Variants in SH3TC1 observed in about 807,000 individuals in gnomAD.
SH3TC1 encodes the protein SH3 domain and tetratricopeptide repeats 1, also known as SH3 domain and tetratricopeptide repeat-containing protein 1.
SH3TC1 carries 135 observed loss-of-function variants against 117.3 expected under a neutral mutation model. The observed-to-expected ratio is 1.15, with a 90% CI of 1.00 to 1.33. The LOEUF (loss-of-function observed/expected upper bound fraction) is 1.33. Ranked by LOEUF, SH3TC1 falls within the 40% of genes most tolerant of loss-of-function variation. The probability of loss-of-function intolerance (pLI) is 0.00; values close to 1 mark genes in which losing one functional copy is unlikely to be tolerated. For synonymous variants in SH3TC1, 898 were observed against 816.9 expected (o/e 1.10, Z -1.69); for missense variants, 2,092 against 1,794.3 (o/e 1.17, Z -3.00).
rs562745594 is a variant in SH3TC1 at position 8,225,397 on chromosome 4, C to T, written c.1285+181C>T. On this transcript the variant is annotated intron_variant, in intron 11 of 17. Coordinates refer to ENST00000245105, the MANE Select transcript of SH3TC1 (RefSeq NM_018986.5). This position sits in a 1 kb window ranked among gnomAD's most constrained non-coding sequence, Gnocchi z 5.5. Reference sequence around the variant, plus strand: ...GGCCTGAACCTCCCGTCCACTGTGGCACTGGAGGCCGTGGGGTCCCGCACT... The same window carrying T: ...GGCCTGAACCTCCCGTCCACTGTGGTACTGGAGGCCGTGGGGTCCCGCACT... Among the ~76,000 whole-genome samples, 2 of 152,262 alleles carry T rather than the reference C, an allele frequency of 1.3e-5. No homozygotes were observed. Among genetic ancestry groups the T allele is most frequent in the South Asian group, 4.1e-4 (2 of 4,826 alleles).
Position 8,205,944 on chromosome 4 carries a change from C to A in SH3TC1, c.172+578C>A. On this transcript the variant is annotated intron_variant, in intron 2 of 17. Transcript: ENST00000245105. This position sits in a 1 kb window ranked among gnomAD's most constrained non-coding sequence, Gnocchi z 5.4. ...GGGGAGACCAAGGCCTGCACGGCCC[C>A]TCCCGGCAGGAGACAGCTGCGGTTG... 1 of 466,074 alleles carries A rather than the reference C, an allele frequency of 2.1e-6. No homozygotes were observed. Among genetic ancestry groups the A allele is most frequent in the Admixed American group, 3.6e-5 (1 of 27,724 alleles). The allele number at this position is 466,074 out of a possible 1,614,324, so 28.9% of individuals were successfully genotyped here.
At position 8,183,509 on chromosome 4, in the gene SH3TC1, C is replaced by T. The variant is rs1253895208; in HGVS notation, c.-57+1299C>T. Among the ~76,000 whole-genome samples the T allele has an allele frequency of 6.6e-6, 1 of 152,224 alleles. No homozygotes were observed. The highest frequency in any genetic ancestry group is 1.5e-5 in the Non-Finnish European group (1 of 68,034). ...CCCCACCCAAGCAGGCGGCTCCAGG[C>T]TTGGCTGGGATCCCGCAGTGACGCT... On this transcript the variant is annotated intron_variant, in intron 1 of 16. Coordinates refer to the SH3TC1 transcript ENST00000508641. The surrounding 1 kb of genome is among the most constrained non-coding windows in gnomAD (Gnocchi z 5.4).
chr4:8,207,033 C>T (rs977511361), intron 2 of SH3TC1, among the ~76,000 whole-genome samples: 2 of 150,806 alleles, frequency 1.3e-5, no homozygotes, highest in Non-Finnish European at 2.9e-5. Context: ...CATCTACAGG[C>T]CTCATTCAGA....
chr4:8,219,405 C>A lies in SH3TC1; in HGVS notation c.987C>A (p.Gly329=). 1.2e-6 allele frequency: 2 copies of A among 1,610,826 alleles called. No homozygotes were observed. Among genetic ancestry groups the A allele is most frequent in the African/African-American group, 1.3e-5 (1 of 74,958 alleles). The change falls in exon 9 of 18, where the codon GGC becomes GGA. Residue 329 remains glycine, a synonymous_variant. Transcript: ENST00000245105. ...SGPEEMTFRG[G]DLIEILGAQV... ...CCGAAGAGATGACCTTCCGAGGTGG[C>A]GACCTCATCGAGATCCTTGGGGCGC...
At chr4:8,194,187 G>T (rs1376666794) in intron 1 of SH3TC1, among the ~76,000 whole-genome samples, 1 of 152,196 alleles carries the variant, frequency 6.6e-6, no homozygotes, top group Non-Finnish European at 1.5e-5. Context: ...GCGGCGGGGG[G>T]TGTTGGTGGT....
chr4:8,198,045 T>G (rs1717619414), upstream of SH3TC1, among the ~76,000 whole-genome samples: 1 of 152,104 alleles, frequency 6.6e-6, no homozygotes, highest in Admixed American at 6.5e-5. Flanking sequence ...AGGGGGCTAC[T>G]GGCATCCAGT....
rs1332888240 is a variant in SH3TC1, at chr4:8,214,581, G to A, written c.481+1G>A. The A allele has an allele frequency of 1.2e-6, 2 of 1,613,262 alleles. No homozygotes were observed. Among genetic ancestry groups the A allele is most frequent in the Admixed American group, 3.3e-5 (2 of 60,022 alleles). The stretch of plus-strand genomic sequence containing the variant: ...AAGTTTTCCACCTACCATGCTCTCG[G>A]TAAAGAGGTGACCCTCCCAGAATTG... On this transcript the variant is annotated splice_donor_variant, in intron 5 of 17. Coordinates refer to ENST00000245105, the MANE Select transcript of SH3TC1 (RefSeq NM_018986.5). LOFTEE classifies it high-confidence loss of function.
At position 8,183,220 on chromosome 4, in the gene SH3TC1, G is replaced by C. The variant is rs1717125698; in HGVS notation, c.-57+1010G>C. ...GCCCCAGGCGAGTTCTGTTCACTAC[G>C]AAGGAGCCCGTCCTCATCCTCCCCC... On this transcript the variant is annotated intron_variant, in intron 1 of 16. Transcript: ENST00000508641. This position sits in a 1 kb window ranked among gnomAD's most constrained non-coding sequence, Gnocchi z 5.4. Among the ~76,000 whole-genome samples the C allele has an allele frequency of 6.6e-6, 1 of 152,194 alleles. No homozygotes were observed. Among genetic ancestry groups the C allele is most frequent in the Non-Finnish European group, 1.5e-5 (1 of 68,022 alleles).
chr4:8,196,287 T>C (rs1323065150), upstream of SH3TC1, among the ~76,000 whole-genome samples: 5 of 152,050 alleles, frequency 3.3e-5, no homozygotes, highest in Non-Finnish European at 7.4e-5. This position sits in a 1 kb window ranked among gnomAD's most constrained non-coding sequence, Gnocchi z 4.6. Context: ...TTGATGGATG[T>C]GTTGGACCCG....
At chr4:8,240,316 G>A (rs1330475841) in intron 17 of SH3TC1, among the ~76,000 whole-genome samples, 2 of 152,238 alleles carry the variant, frequency 1.3e-5, no homozygotes, top group Admixed American at 6.5e-5. Flanking sequence ...AGCATGGACA[G>A]GGGCCAGAGG....
intron 1 of SH3TC1, among the ~76,000 whole-genome samples, chr4:8,191,998 T>TATTA (rs1554130808): frequency 9.0e-6 from 1 of 110,736 alleles, no homozygotes; most frequent in African/African-American, 3.2e-5. Context: ...TTTATTTATT[T>TATTA]ATTATTTTTG....
At position 8,236,575 on chromosome 4, in the gene SH3TC1, C is replaced by T. The variant is rs558388878; in HGVS notation, c.3556+147C>T. The T allele has an allele frequency of 5.4e-5, 61 of 1,136,922 alleles. No homozygotes were observed. The Middle Eastern group carries it at 1.2e-3, about 23-fold the overall frequency. The allele number at this position is 1,136,922 out of a possible 1,614,324, so 70.4% of individuals were successfully genotyped here. A position where few individuals can be genotyped will look rare whatever the true frequency, so the allele number is the denominator to read the frequency against. ...CATCTGCCCAGCTGGCTCCCCCGTC[C>T]GGCCGTGGGGCACAGCCCGAGGTCC... is the stretch of plus-strand genomic sequence containing the variant. On this transcript the variant is annotated intron_variant, in intron 16 of 17. Coordinates refer to ENST00000245105, the MANE Select transcript of SH3TC1 (RefSeq NM_018986.5).
chr4:8,214,686 A>G (rs1719072477), intron 5 of SH3TC1, 106 bp downstream of exon 5: 2 of 879,516 alleles, frequency 2.3e-6, no homozygotes, highest in Non-Finnish European at 3.6e-6. Flanking sequence ...TTATTTATTT[A>G]TTGATGTATT....
rs190046705 is a variant in SH3TC1 at position 8,184,923 on chromosome 4, A to G, written c.-57+2713A>G. Among the ~76,000 whole-genome samples the G allele has an allele frequency of 3.1e-3, 109 of 35,558 alleles. 1 individual carries two copies. Among genetic ancestry groups the G allele is most frequent in the African/African-American group, 6.4e-3 (106 of 16,634 alleles). The allele number at this position is 35,558 out of a possible 152,430, so 23.3% of individuals were successfully genotyped here. ...TGTGATACAGTTAATTGTTTTGTCAATCTCATGAGATTGTCGTATACATTT... is the reference window on the plus strand; with the variant it reads ...TGTGATACAGTTAATTGTTTTGTCAGTCTCATGAGATTGTCGTATACATTT... On this transcript the variant is annotated intron_variant, in intron 1 of 16. Coordinates refer to the SH3TC1 transcript ENST00000508641.
rs528362591 is a variant in SH3TC1, at chr4:8,237,488, G to A, written c.3571G>A (p.Glu1191Lys). ...LSITLGDRLN[E>K]RVAYHRLAAL... ...CTGCACCCCAGGGGACCGGCTGAAC[G>A]AGCGCGTGGCCTACCACCGGCTGGC... Residue 1191 changes from glutamate to lysine, a missense_variant, in exon 17 of 18, where the codon GAG becomes AAG. Glu to Lys is a moderately conservative substitution (Grantham distance 56, BLOSUM62 1). Transcript: ENST00000245105. 2.0e-5 allele frequency: 31 copies of A among 1,587,516 alleles called. No homozygotes were observed. Among genetic ancestry groups the A allele is most frequent in the Admixed American group, 8.6e-5 (5 of 57,938 alleles).
chr4:8,194,183 G>A (rs963457149), intron 1 of SH3TC1, among the ~76,000 whole-genome samples: 6 of 152,196 alleles, frequency 3.9e-5, no homozygotes, highest in African/African-American at 1.4e-4. Context: ...AGGGGCGGCG[G>A]GGGGTGTTGG....
intron 1 of SH3TC1, among the ~76,000 whole-genome samples, chr4:8,204,238 A>G (rs755988685): frequency 1.7e-4 from 26 of 152,186 alleles, no homozygotes; most frequent in Non-Finnish European, 3.4e-4. Context: ...AGTCTGTCCC[A>G]GTGTTTGCTC....
chr4:8,208,650 G>T (rs1052041892), intron 2 of SH3TC1, among the ~76,000 whole-genome samples: 1 of 152,200 alleles, frequency 6.6e-6, no homozygotes, highest in East Asian at 1.9e-4. Context: ...ACTGCGCCCG[G>T]CCCATTTGAG....
chr4:8,198,073 C>G (rs2152975701), upstream of SH3TC1, among the ~76,000 whole-genome samples: 1 of 152,172 alleles, frequency 6.6e-6, no homozygotes, highest in South Asian at 2.1e-4. Context: ...GGCCAGGGAC[C>G]AGCTAAAACC....
Sources: gnomAD v4.1 joint callset for allele counts (sites outside exome capture counted in the v4.1 genomes callset) on GRCh38, gnomAD v4.1.1 for gene constraint, Gnocchi (gnomAD v3.1) non-coding constraint, MANE v1.5 for transcripts, NCBI Gene and HGNC (gene_info 2026-07-23, HGNC 2026-07-21) for gene names.